DLG2: variants seen among roughly 807,000 people sequenced by gnomAD.
DLG2 encodes the protein discs large MAGUK scaffold protein 2, also known as disks large homolog 2.
A neutral mutation model predicts 132.5 loss-of-function variants in DLG2; 45 were observed. The ratio of observed to expected loss-of-function variants is 0.34; its 90% CI spans 0.27 to 0.44. The LOEUF (loss-of-function observed/expected upper bound fraction) is 0.44. Ranked by LOEUF, DLG2 falls within the 20% of genes least tolerant of loss-of-function variation. The pLI, the probability that DLG2 is intolerant of heterozygous loss-of-function variation, is 1.00. For synonymous variants in DLG2, 424 were observed against 419.6 expected (o/e 1.01, Z -0.13); for missense variants, 1,045 against 1,196.9 (o/e 0.87, Z 1.87).
At chr11:85,296,396 T>C (rs950772899) in intron 3 of DLG2, among the ~76,000 whole-genome samples, 1 of 151,482 alleles carries the variant, frequency 6.6e-6, no homozygotes, top group South Asian at 2.1e-4. Context: ...CCCTCTCATC[T>C]CCTCAAATCG....
At chr11:84,269,541 T>C (rs1358504334) in intron 7 of DLG2, among the ~76,000 whole-genome samples, 1 of 152,164 alleles carries the variant, frequency 6.6e-6, no homozygotes, top group Non-Finnish European at 1.5e-5. Context: ...CATATGGTAT[T>C]ACAGTGATTT....
intron 18 of DLG2, among the ~76,000 whole-genome samples, chr11:83,760,804 T>C (rs1414874807): frequency 6.6e-6 from 1 of 152,208 alleles, no homozygotes; most frequent in African/African-American, 2.4e-5. Flanking sequence ...CCACGGTCCC[T>C]TGCCTAGACA....
chr11:85,566,507 G>T (rs2153224651), intron 3 of DLG2, among the ~76,000 whole-genome samples: 1 of 152,236 alleles, frequency 6.6e-6, no homozygotes, highest in East Asian at 1.9e-4. Flanking sequence ...CTAGAGGTTG[G>T]AAGTCTGAAA....
rs542151383 is a variant in DLG2, at chr11:84,318,755, G to A, written c.520-67464C>T. On this transcript the variant is annotated intron_variant, in intron 7 of 27. Transcript: ENST00000376104. ...CCATCACAGAAGGTATTCAAAACAC[G>A]TTTGTTCAATAATAATGGCCAGATA... 2.9e-3 allele frequency among the ~76,000 whole-genome samples: 438 copies of A among 152,250 alleles called. 1 individual carries two copies. Among genetic ancestry groups the A allele is most frequent in the South Asian group, 0.017 (80 of 4,826 alleles).
intron 7 of DLG2, among the ~76,000 whole-genome samples, chr11:84,507,314 A>G (rs1489366580): frequency 2.0e-5 from 3 of 152,320 alleles, no homozygotes; most frequent in Non-Finnish European, 4.4e-5. Context: ...ATAAATAAAT[A>G]ATGTGTGACC....
chr11:85,071,519 C>A (rs970574192), intron 6 of DLG2, among the ~76,000 whole-genome samples: 1 of 151,788 alleles, frequency 6.6e-6, no homozygotes, highest in African/African-American at 2.4e-5. Context: ...ATCTCAAGAA[C>A]TGGATGCATC....
chr11:85,105,134 AG>A (rs2152293717), intron 6 of DLG2, among the ~76,000 whole-genome samples: 1 of 152,028 alleles, frequency 6.6e-6, no homozygotes, highest in Non-Finnish European at 1.5e-5. Context: ...TTCTTTGCTC[AG>A]GGCATGCTGA....
intron 3 of DLG2, among the ~76,000 whole-genome samples, chr11:85,351,679 G>A (rs531254387): frequency 9.2e-5 from 14 of 152,252 alleles, no homozygotes; most frequent in East Asian, 5.8e-4. Context: ...TGTGGTTTTC[G>A]TTGTTGGTTC....
At chr11:84,357,602 A>T (rs2098623956) in intron 7 of DLG2, among the ~76,000 whole-genome samples, 1 of 152,016 alleles carries the variant, frequency 6.6e-6, no homozygotes. Context: ...AATAAATTGT[A>T]CTGCTAAAAG....
intron 15 of DLG2, among the ~76,000 whole-genome samples, chr11:83,883,889 A>T (rs1468949845): frequency 6.6e-6 from 1 of 152,212 alleles, no homozygotes; most frequent in Non-Finnish European, 1.5e-5. Flanking sequence ...ATCAGGTATT[A>T]GATAGTTCCA....
intron 8 of DLG2, among the ~76,000 whole-genome samples, chr11:84,231,646 A>G (rs964291477): frequency 1.3e-5 from 2 of 152,220 alleles, no homozygotes; most frequent in Non-Finnish European, 2.9e-5. Context: ...GAGGAAGATA[A>G]GGCACCAGTA....
At chr11:85,028,193 G>A (rs1415156641) in intron 6 of DLG2, among the ~76,000 whole-genome samples, 1 of 152,152 alleles carries the variant, frequency 6.6e-6, no homozygotes, top group African/African-American at 2.4e-5. Context: ...ACCGAATTGG[G>A]TAGTTCTTTC....
intron 5 of DLG2, among the ~76,000 whole-genome samples, chr11:85,152,707 C>A (rs2077336451): frequency 6.6e-6 from 1 of 152,194 alleles, no homozygotes; most frequent in Non-Finnish European, 1.5e-5. Flanking sequence ...TGTATAAAGA[C>A]AATAATCTAA....
At chr11:83,847,354 A>G (rs909941962) in intron 16 of DLG2, among the ~76,000 whole-genome samples, 1 of 152,206 alleles carries the variant, frequency 6.6e-6, no homozygotes, top group African/African-American at 2.4e-5. Context: ...ACACTTTATG[A>G]AAGATTTTTT....
chr11:84,244,680 G>A (rs1178226085), intron 8 of DLG2, among the ~76,000 whole-genome samples: 1 of 152,140 alleles, frequency 6.6e-6, no homozygotes, highest in Non-Finnish European at 1.5e-5. Flanking sequence ...TTTAAAATTT[G>A]GAACTGCATT....
At chr11:85,015,706 G>A (rs142005017) in intron 6 of DLG2, among the ~76,000 whole-genome samples, 81 of 152,124 alleles carry the variant, frequency 5.3e-4, no homozygotes, top group African/African-American at 1.8e-3. Flanking sequence ...TCATCATACC[G>A]TGCCTGTTAC....
intron 11 of DLG2, among the ~76,000 whole-genome samples, chr11:84,029,272 T>C (rs1222720207): frequency 1.3e-5 from 2 of 152,090 alleles, no homozygotes; most frequent in Non-Finnish European, 2.9e-5. Flanking sequence ...TAATCTCTTC[T>C]TTATACTCAG....
At chr11:84,454,218 T>C (rs1342914293) in intron 7 of DLG2, among the ~76,000 whole-genome samples, 1 of 151,408 alleles carries the variant, frequency 6.6e-6, no homozygotes, top group Non-Finnish European at 1.5e-5. Context: ...CAGAGGAAGA[T>C]GATAAGGTAC....
intron 4 of DLG2, among the ~76,000 whole-genome samples, chr11:85,284,215 T>C (rs1168461385): frequency 6.6e-6 from 1 of 151,916 alleles, no homozygotes; most frequent in African/African-American, 2.4e-5. Context: ...CTTATTTTTA[T>C]GCTTTTAAGT....
Sources: allele counts gnomAD v4.1 joint callset (sites outside exome capture counted in the v4.1 genomes callset), GRCh38; gene constraint gnomAD v4.1.1; transcripts MANE v1.5; gene names NCBI Gene and HGNC (gene_info 2026-07-23, HGNC 2026-07-21).